The following GRIP1 variants were observed in gnomAD, a reference collection of about 807,000 sequenced individuals.
GRIP1 encodes the protein glutamate receptor interacting protein 1, also known as glutamate receptor-interacting protein 1.
Under a neutral mutation model 129.9 loss-of-function variants are expected in GRIP1, and 45 were observed. That is an observed-to-expected ratio of 0.35 (90% CI 0.27 to 0.44). GRIP1 has a LOEUF of 0.44. Among genes scored for constraint, GRIP1 ranks in the 20% least tolerant of loss-of-function variants. The probability of loss-of-function intolerance (pLI) is 1.00; values close to 1 mark genes in which losing one functional copy is unlikely to be tolerated. For synonymous variants in GRIP1, 530 were observed against 520.8 expected (o/e 1.02, Z -0.24); for missense variants, 1,196 against 1,396.8 (o/e 0.86, Z 2.29).
intron 1 of GRIP1, among the ~76,000 whole-genome samples, chr12:67,057,360 C>G (rs1400658933): frequency 6.7e-6 from 1 of 150,318 alleles, no homozygotes; most frequent in East Asian, 2.0e-4. Flanking sequence ...AGCAAGAAGA[C>G]AGTCATCTGC....
At chr12:66,979,249 A>AC (rs1167060951) in intron 1 of GRIP1, among the ~76,000 whole-genome samples, 2 of 136,902 alleles carry the variant, frequency 1.5e-5, no homozygotes, top group Admixed American at 7.6e-5. Context: ...AAAAAAAAAA[A>AC]AAAAACAAGC....
intron 16 of GRIP1, among the ~76,000 whole-genome samples, chr12:66,396,094 A>G (rs1030909024): frequency 1.3e-5 from 2 of 152,210 alleles, no homozygotes; most frequent in African/African-American, 4.8e-5. Context: ...TGAATGAGTC[A>G]TTTGATTAGT....
chr12:66,820,984 C>G (rs1035356459), intron 1 of GRIP1, among the ~76,000 whole-genome samples: 5 of 151,998 alleles, frequency 3.3e-5, no homozygotes, highest in Admixed American at 2.0e-4. Context: ...CAAGAGTGAA[C>G]CTTAACATAA....
intron 1 of GRIP1, among the ~76,000 whole-genome samples, chr12:66,623,200 A>G (rs908744893): frequency 6.6e-6 from 1 of 152,196 alleles, no homozygotes; most frequent in East Asian, 1.9e-4. Context: ...ATTTAGAGAT[A>G]TAGCCTAAGT....
At chr12:67,067,753 T>G (rs547847993) in intron 1 of GRIP1, among the ~76,000 whole-genome samples, 14 of 152,192 alleles carry the variant, frequency 9.2e-5, no homozygotes, top group Admixed American at 2.0e-4. Flanking sequence ...CTTGAAACTT[T>G]TAACATGCCC....
At chr12:66,988,576 C>T (rs1161835464) in intron 1 of GRIP1, among the ~76,000 whole-genome samples, 1 of 151,982 alleles carries the variant, frequency 6.6e-6, no homozygotes, top group African/African-American at 2.4e-5. Flanking sequence ...GACGGGGTTT[C>T]CCATGTTGCA....
chr12:66,496,308 C>T (rs1441865566), intron 7 of GRIP1, among the ~76,000 whole-genome samples: 5 of 152,106 alleles, frequency 3.3e-5, no homozygotes, highest in Non-Finnish European at 7.4e-5. Context: ...AATATGGATA[C>T]CAAGATTTAC....
chr12:66,874,747 A>G (rs935988299), intron 1 of GRIP1, among the ~76,000 whole-genome samples: 6 of 151,962 alleles, frequency 3.9e-5, no homozygotes, highest in Non-Finnish European at 5.9e-5. Context: ...GTGCTAAACC[A>G]TTCATGAGAA....
intron 22 of GRIP1, among the ~76,000 whole-genome samples, chr12:66,375,978 C>G (rs1031428851): frequency 5.9e-5 from 9 of 152,192 alleles, no homozygotes; most frequent in African/African-American, 2.2e-4. Flanking sequence ...CTTCATCATT[C>G]TACATGCAGA....
chr12:67,012,846 C>T (rs992738), intron 1 of GRIP1, among the ~76,000 whole-genome samples: 16,889 of 152,182 alleles, frequency 0.11, 1,003 homozygotes, highest in Admixed American at 0.15. Context: ...CAAAAGCAAT[C>T]TGCATCAAAT....
intron 1 of GRIP1, among the ~76,000 whole-genome samples, chr12:67,055,170 G>A (rs1272531509): frequency 6.6e-6 from 1 of 152,358 alleles, no homozygotes; most frequent in East Asian, 1.9e-4. Flanking sequence ...GAAAATTGCA[G>A]ATAAAGAGAT....
chr12:66,544,485 C>T (rs138110846), intron 2 of GRIP1, among the ~76,000 whole-genome samples: 401 of 152,210 alleles, frequency 2.6e-3, no homozygotes, highest in African/African-American at 9.0e-3. Flanking sequence ...CAGGCAACAA[C>T]GTAGAGCGAA....
chr12:66,621,237 CT>C (rs2065255094), intron 1 of GRIP1, among the ~76,000 whole-genome samples: 1 of 152,084 alleles, frequency 6.6e-6, no homozygotes, highest in Non-Finnish European at 1.5e-5. Context: ...CAAACTGAAA[CT>C]TTGTACTAAT....
At chr12:66,920,806 G>T (rs2041200894) in intron 1 of GRIP1, among the ~76,000 whole-genome samples, 1 of 152,188 alleles carries the variant, frequency 6.6e-6, no homozygotes, top group Non-Finnish European at 1.5e-5. Flanking sequence ...TACTTATTTT[G>T]AGTGTAATAC....
chr12:66,821,029 T>G (rs1205027303), intron 1 of GRIP1, among the ~76,000 whole-genome samples: 1 of 152,198 alleles, frequency 6.6e-6, no homozygotes, highest in Non-Finnish European at 1.5e-5. Context: ...TATGTCAGTA[T>G]AGGTTCCTCA....
intron 1 of GRIP1, among the ~76,000 whole-genome samples, chr12:66,598,596 G>A (rs1312920439): frequency 2.6e-5 from 4 of 152,132 alleles, no homozygotes; most frequent in African/African-American, 7.2e-5. Context: ...ATATTTGAGC[G>A]CTTTTCTCAC....
At chr12:66,733,128 T>C (rs1036380999) in intron 1 of GRIP1, among the ~76,000 whole-genome samples, 29 of 152,160 alleles carry the variant, frequency 1.9e-4, no homozygotes, top group Non-Finnish European at 8.8e-5. Context: ...AGCATCCTTG[T>C]AGCCACCATG....
intron 1 of GRIP1, among the ~76,000 whole-genome samples, chr12:66,827,413 A>ACAGAGC (rs1555242979): frequency 6.6e-6 from 1 of 150,888 alleles, no homozygotes; most frequent in Non-Finnish European, 1.5e-5. Context: ...AGAGAGAGAG[A>ACAGAGC]GAGCGCACAA....
chr12:67,041,709 T>G (rs555770485), intron 1 of GRIP1, among the ~76,000 whole-genome samples: 14 of 152,052 alleles, frequency 9.2e-5, no homozygotes, highest in Non-Finnish European at 1.9e-4. Context: ...TTGACAACTT[T>G]TTTTTGGAGG....
Sources: allele counts gnomAD v4.1 joint callset (sites outside exome capture counted in the v4.1 genomes callset), GRCh38; gene constraint gnomAD v4.1.1; transcripts MANE v1.5; gene names NCBI Gene and HGNC (gene_info 2026-07-23, HGNC 2026-07-21).